MAPRE2: variants seen among roughly 807,000 people sequenced by gnomAD.
MAPRE2 encodes the protein microtubule-associated protein RP/EB family member 2.
A neutral mutation model predicts 43.2 loss-of-function variants in MAPRE2; 13 were observed. That is an observed-to-expected ratio of 0.30 (90% confidence interval 0.20 to 0.48). The LOEUF (loss-of-function observed/expected upper bound fraction) is 0.48. Ranked by LOEUF, MAPRE2 falls within the 20% of genes least tolerant of loss-of-function variation. MAPRE2 has a pLI of 0.99. For missense variants in MAPRE2, 161 were observed against 400.2 expected, an observed-to-expected ratio of 0.40 and a Z score of 5.10; for synonymous variants, 135 against 148.8, an observed-to-expected ratio of 0.91 and a Z score of 0.68.
At chr18:35,059,538 CAT>C (rs1434877903) in intron 1 of MAPRE2, among the ~76,000 whole-genome samples, 1 of 152,200 alleles carries the variant, frequency 6.6e-6, no homozygotes, top group Non-Finnish European at 1.5e-5. Context: ...GTAAACAAAA[CAT>C]ATTCTATAAA....
intron 1 of MAPRE2, among the ~76,000 whole-genome samples, chr18:35,052,920 A>G (rs1297180496): frequency 1.3e-5 from 2 of 152,138 alleles, no homozygotes; most frequent in Non-Finnish European, 2.9e-5. Flanking sequence ...ATAGAATTAT[A>G]CACATATGTT....
At chr18:35,043,812 G>A (rs1250633359) in intron 1 of MAPRE2, among the ~76,000 whole-genome samples, 2 of 152,036 alleles carry the variant, frequency 1.3e-5, no homozygotes, top group African/African-American at 2.4e-5. Context: ...CACATTCGAT[G>A]TTTTTCTTCT....
At chr18:35,099,279 T>C (rs557888518) in intron 3 of MAPRE2, among the ~76,000 whole-genome samples, 3 of 152,146 alleles carry the variant, frequency 2.0e-5, no homozygotes, top group Non-Finnish European at 4.4e-5. Context: ...AAACAAAAAT[T>C]TTAAACTCAG....
chr18:35,100,297 A>T (rs1287924503), intron 3 of MAPRE2, among the ~76,000 whole-genome samples: 3 of 152,244 alleles, frequency 2.0e-5, no homozygotes, highest in African/African-American at 7.2e-5. Flanking sequence ...GAGAATGGCT[A>T]TTACTAAAAA....
At chr18:34,997,518 A>G (rs969615781) in intron 1 of MAPRE2, among the ~76,000 whole-genome samples, 51 of 152,186 alleles carry the variant, frequency 3.4e-4, no homozygotes, top group African/African-American at 1.2e-3. Flanking sequence ...AGAAGTAATA[A>G]AAGAATTACC....
intron 1 of MAPRE2, among the ~76,000 whole-genome samples, chr18:34,981,079 C>A (rs979122428): frequency 6.6e-6 from 1 of 151,596 alleles, no homozygotes; most frequent in Non-Finnish European, 1.5e-5. Flanking sequence ...ATGTTAACAC[C>A]TTTTTGGGAG....
intron 4 of MAPRE2, among the ~76,000 whole-genome samples, chr18:35,105,036 C>G (rs1908841995): frequency 6.6e-6 from 1 of 151,996 alleles, no homozygotes; most frequent in Admixed American, 6.6e-5. Context: ...TACCAATATT[C>G]CTCCACACCC....
At chr18:35,097,649 A>C in intron 3 of MAPRE2, 58 bp downstream of exon 3, 7 of 1,505,382 alleles carry the variant, frequency 4.6e-6, no homozygotes, top group Non-Finnish European at 5.4e-6. Context: ...GTTTTTGTGC[A>C]TAAATGCAAA....
At chr18:35,024,199 G>A (rs2097043704) in intron 2 of MAPRE2, among the ~76,000 whole-genome samples, 1 of 152,204 alleles carries the variant, frequency 6.6e-6, no homozygotes, top group Admixed American at 6.5e-5. Flanking sequence ...GAAGCACTCA[G>A]AGTTCTGGAG....
At chr18:35,134,718 A>G (rs1242304753) in intron 6 of MAPRE2, among the ~76,000 whole-genome samples, 2 of 152,216 alleles carry the variant, frequency 1.3e-5, no homozygotes, top group African/African-American at 2.4e-5. Flanking sequence ...TTTTCTCTAA[A>G]TAACTCCCCT....
At chr18:35,139,195 G>A (rs999084472) in intron 6 of MAPRE2, among the ~76,000 whole-genome samples, 5 of 152,166 alleles carry the variant, frequency 3.3e-5, no homozygotes, top group African/African-American at 1.2e-4. Context: ...CAAGGAAGAG[G>A]GGCCCGACAG....
intron 4 of MAPRE2, 54 bp downstream of exon 4, chr18:35,102,213 AC>A: frequency 2.3e-6 from 3 of 1,326,154 alleles, no homozygotes; most frequent in Non-Finnish European, 3.1e-6. Context: ...AATGGCTCAG[AC>A]CCTTCTGTTA....
chr18:35,066,707 C>T (rs1204562133), intron 1 of MAPRE2, among the ~76,000 whole-genome samples: 1 of 152,236 alleles, frequency 6.6e-6, no homozygotes, highest in Non-Finnish European at 1.5e-5. Context: ...GCTGACACTT[C>T]ACTTGCGGGA....
intron 1 of MAPRE2, among the ~76,000 whole-genome samples, chr18:34,980,421 A>G (rs2097015602): frequency 1.3e-5 from 2 of 152,070 alleles, no homozygotes; most frequent in South Asian, 2.1e-4. Context: ...TAGAGCATCT[A>G]TTGTAGCCTG....
chr18:35,098,418 G>A (rs1331070828), intron 3 of MAPRE2, among the ~76,000 whole-genome samples: 2 of 152,080 alleles, frequency 1.3e-5, no homozygotes, highest in Non-Finnish European at 2.9e-5. Flanking sequence ...AAAATATCAG[G>A]TTATAAAAGA....
intron 2 of MAPRE2, among the ~76,000 whole-genome samples, chr18:35,095,393 C>CACAG (rs1908363187): frequency 7.3e-6 from 1 of 136,310 alleles, no homozygotes; most frequent in Non-Finnish European, 1.5e-5. Context: ...CACACACACA[C>CACAG]ACACACACGC....
chr18:35,072,468 A>G (rs1907158001), intron 2 of MAPRE2, among the ~76,000 whole-genome samples: 1 of 152,250 alleles, frequency 6.6e-6, no homozygotes, highest in Non-Finnish European at 1.5e-5. Context: ...AAAGGCTCAC[A>G]GAGAAAATCC....
intron 2 of MAPRE2, among the ~76,000 whole-genome samples, chr18:35,093,823 G>A (rs914974881): frequency 4.6e-5 from 7 of 152,148 alleles, no homozygotes; most frequent in Admixed American, 1.3e-4. Context: ...TTACAGTTAG[G>A]TAGGAGGAAT....
At chr18:35,089,900 G>A (rs1908061439) in intron 2 of MAPRE2, among the ~76,000 whole-genome samples, 1 of 152,166 alleles carries the variant, frequency 6.6e-6, no homozygotes, top group Non-Finnish European at 1.5e-5. Context: ...GTTCATTAAT[G>A]AATGGATCAG....
Sources: allele counts gnomAD v4.1 joint callset (sites outside exome capture counted in the v4.1 genomes callset), GRCh38; gene constraint gnomAD v4.1.1; transcripts MANE v1.5; gene names NCBI Gene and HGNC (gene_info 2026-07-23, HGNC 2026-07-21).